The following PPP2R5E variants were observed in gnomAD, a reference collection of about 807,000 sequenced individuals.
PPP2R5E encodes protein phosphatase 2 regulatory subunit B'epsilon.
PPP2R5E carries 4 observed loss-of-function variants against 65.3 expected under a neutral mutation model. That is an observed-to-expected ratio of 0.06 (90% confidence interval 0.03 to 0.14). The LOEUF is 0.14. Among genes scored for constraint, PPP2R5E ranks in the 10% least tolerant of loss-of-function variants. The pLI is 1.00. For synonymous variants in PPP2R5E, 183 were observed against 187.4 expected (o/e 0.98, Z 0.19); for missense variants, 274 against 556.1 (o/e 0.49, Z 5.10).
chr14:63,536,926 AG>A (rs1292430233), intron 2 of PPP2R5E, among the ~76,000 whole-genome samples: 2 of 152,182 alleles, frequency 1.3e-5, no homozygotes, highest in East Asian at 1.9e-4. Context: ...GAAGATGAAA[AG>A]GTTCTGGAGA....
At chr14:63,500,046 C>T (rs1223577240) in intron 2 of PPP2R5E, among the ~76,000 whole-genome samples, 2 of 152,230 alleles carry the variant, frequency 1.3e-5, no homozygotes, top group African/African-American at 2.4e-5. Context: ...TCTCAAGCTT[C>T]ATTTAACTAT....
At chr14:63,491,003 TA>T (rs377108100) in intron 2 of PPP2R5E, among the ~76,000 whole-genome samples, 1,637 of 141,522 alleles carry the variant, frequency 0.012, 31 homozygotes, top group African/African-American at 0.037. Context: ...GTGGACTGGA[TA>T]AAAAAAAAAA....
rs758248092 is a variant in PPP2R5E, at chr14:63,484,347, T to TCTCTCACA, written c.158-30463_158-30462insTGTGAGAG. Among the ~76,000 whole-genome samples, 907 of 139,644 alleles carry TCTCTCACA rather than the reference T, an allele frequency of 6.5e-3. 7 individuals carry two copies. Among genetic ancestry groups the TCTCTCACA allele is most frequent in the African/African-American group, 0.02 (723 of 36,180 alleles). 91.6% of individuals were successfully genotyped at this position (139,644 alleles called of 152,430 possible). A position where few individuals can be genotyped will look rare whatever the true frequency, so the allele number is the denominator to read the frequency against. On this transcript the variant is annotated intron_variant, in intron 2 of 13. Transcript: ENST00000337537. ...CTTTCTTTCTCTTTCTCTCTCTCTC[T>TCTCTCACA]CACACACACACACACACACACACAC...
chr14:63,412,864 C>G (rs1179016694), intron 5 of PPP2R5E, among the ~76,000 whole-genome samples: 1 of 152,104 alleles, frequency 6.6e-6, no homozygotes, highest in African/African-American at 2.4e-5. Flanking sequence ...TGAATTGCAA[C>G]CACTGTTATA....
chr14:63,469,272 C>T (rs961181868), intron 2 of PPP2R5E, among the ~76,000 whole-genome samples: 21 of 151,620 alleles, frequency 1.4e-4, no homozygotes, highest in Admixed American at 1.2e-3. Context: ...TTTTACATTA[C>T]AAAAAAAGGT....
At chr14:63,516,445 G>A (rs567643440) in intron 2 of PPP2R5E, among the ~76,000 whole-genome samples, 1 of 152,286 alleles carries the variant, frequency 6.6e-6, no homozygotes, top group East Asian at 1.9e-4. Flanking sequence ...GTTCACAGAT[G>A]AAGAAAAAAT....
rs73278606 is a variant in PPP2R5E, at chr14:63,507,287, C to T, written c.157+32242G>A. Among the ~76,000 whole-genome samples, 639 of 152,262 alleles carry T rather than the reference C, an allele frequency of 4.2e-3. 6 individuals carry two copies. The highest frequency in any genetic ancestry group is 0.015 in the African/African-American group (607 of 41,536). ...CAGTGAGGGAATACCAACTGCCTAC[C>T]TGCTGTGAGTACAAGGCCCCTTCTA... On this transcript the variant is annotated intron_variant, in intron 2 of 13. Coordinates refer to ENST00000337537, the MANE Select transcript of PPP2R5E (RefSeq NM_006246.5).
Position 63,499,104 on chromosome 14 carries a change from C to A in PPP2R5E, c.157+40425G>T, listed in dbSNP as rs1366458791. 3.3e-5 allele frequency among the ~76,000 whole-genome samples: 5 copies of A among 152,188 alleles called. No homozygotes were observed. In the East Asian group the frequency reaches 5.8e-4, roughly 18 times the overall value. ...AGAAATGCAGCTACTCATAAAAAGGCCCCAGGACATACTGGAACACAGAAT... is the reference window on the plus strand; with the variant it reads ...AGAAATGCAGCTACTCATAAAAAGGACCCAGGACATACTGGAACACAGAAT... On this transcript the variant is annotated intron_variant, in intron 2 of 13. Coordinates refer to ENST00000337537, the MANE Select transcript of PPP2R5E (RefSeq NM_006246.5).
intron 2 of PPP2R5E, among the ~76,000 whole-genome samples, chr14:63,461,640 TAA>T (rs199591299): frequency 7.2e-6 from 1 of 139,774 alleles, no homozygotes; most frequent in African/African-American, 2.7e-5. Context: ...CTACAAAATT[TAA>T]AAAAAAAAAA....
chr14:63,514,349 C>T (rs1376091686), intron 2 of PPP2R5E, among the ~76,000 whole-genome samples: 2 of 152,132 alleles, frequency 1.3e-5, no homozygotes, highest in Non-Finnish European at 2.9e-5. Context: ...TCTTTCAAAG[C>T]ATTTGGCCAC....
At chr14:63,519,437 G>A (rs1255758) in intron 2 of PPP2R5E, among the ~76,000 whole-genome samples, 4,628 of 149,772 alleles carry the variant, frequency 0.031, 239 homozygotes, top group African/African-American at 0.11. Flanking sequence ...TGCAACCTCT[G>A]CCTCCCGGGT....
chr14:63,533,283 C>A (rs1315211060), intron 2 of PPP2R5E, among the ~76,000 whole-genome samples: 1 of 152,184 alleles, frequency 6.6e-6, no homozygotes, highest in East Asian at 1.9e-4. Context: ...CGAAAACGGC[C>A]GGGCACGGTG....
chr14:63,488,721 T>C (rs1025928619), intron 2 of PPP2R5E, among the ~76,000 whole-genome samples: 7 of 151,822 alleles, frequency 4.6e-5, no homozygotes, highest in Non-Finnish European at 5.9e-5. Context: ...TGGTGGCGCA[T>C]ACCTGTAGTC....
At chr14:63,435,961 C>T (rs190275878) in intron 3 of PPP2R5E, among the ~76,000 whole-genome samples, 4 of 152,224 alleles carry the variant, frequency 2.6e-5, no homozygotes, top group Admixed American at 2.6e-4. Context: ...TCTTAGAATC[C>T]AAAAATAGAC....
intron 2 of PPP2R5E, among the ~76,000 whole-genome samples, chr14:63,528,098 T>G (rs1481381821): frequency 6.6e-6 from 1 of 151,872 alleles, no homozygotes; most frequent in East Asian, 1.9e-4. Flanking sequence ...ATACAAAAGG[T>G]AGAAACCATT....
At chr14:63,427,171 T>C (rs1324010708) in intron 3 of PPP2R5E, among the ~76,000 whole-genome samples, 1 of 152,178 alleles carries the variant, frequency 6.6e-6, no homozygotes, top group Non-Finnish European at 1.5e-5. Context: ...CTCCCCACCA[T>C]GCAACAGTTT....
intron 3 of PPP2R5E, among the ~76,000 whole-genome samples, chr14:63,447,948 T>G (rs997887784): frequency 1.3e-5 from 2 of 152,114 alleles, no homozygotes; most frequent in African/African-American, 2.4e-5. Flanking sequence ...ACATACAACA[T>G]TTATCGATTA....
chr14:63,513,099 T>C lies in PPP2R5E; in HGVS notation c.157+26430A>G, dbSNP rs1392784497. On this transcript the variant is annotated intron_variant, in intron 2 of 13. Transcript: ENST00000337537. ...TTTTTGGAACTGAAATAGAAACTGT[T>C]TGGATGGTTAAATGAAACCACTCAC... Among the ~76,000 whole-genome samples the C allele has an allele frequency of 2.6e-5, 4 of 152,136 alleles. No individual in the cohort carries two copies. The East Asian group carries it at 5.8e-4, about 22-fold the overall frequency.
At chr14:63,425,942 T>C (rs1887309685) in intron 3 of PPP2R5E, among the ~76,000 whole-genome samples, 2 of 152,236 alleles carry the variant, frequency 1.3e-5, no homozygotes, top group Admixed American at 1.3e-4. Flanking sequence ...GGTAGTTCTA[T>C]AAGTATATAC....
Sources: gnomAD v4.1 joint callset for allele counts (sites outside exome capture counted in the v4.1 genomes callset) on GRCh38, gnomAD v4.1.1 for gene constraint, MANE v1.5 for transcripts, NCBI Gene and HGNC (gene_info 2026-07-23, HGNC 2026-07-21) for gene names.